Variants in HMGCLL1 observed in about 807,000 individuals in gnomAD.
The protein encoded by HMGCLL1 is 3-hydroxy-3-methylglutaryl-CoA lyase like 1.
In HMGCLL1, 36 loss-of-function variants were observed where a neutral mutation model predicts 39.1. The observed-to-expected ratio is 0.92, with a 90% CI of 0.71 to 1.22. The LOEUF is 1.22. Ranked by LOEUF, HMGCLL1 falls within the 50% of genes most tolerant of loss-of-function variation. HMGCLL1 has a pLI of 0.00. For missense variants in HMGCLL1, 451 were observed against 416.5 expected, an observed-to-expected ratio of 1.08 and a Z score of -0.72; for synonymous variants, 149 against 144.0, an observed-to-expected ratio of 1.03 and a Z score of -0.25.
chr6:55,441,793 C>T (rs564870153), intron 7 of HMGCLL1, among the ~76,000 whole-genome samples: 4 of 152,026 alleles, frequency 2.6e-5, no homozygotes, highest in South Asian at 2.1e-4. Context: ...TGGGTTCAAG[C>T]GATTCTCTTG....
upstream of HMGCLL1, among the ~76,000 whole-genome samples, chr6:55,583,553 C>T (rs570276127): frequency 6.6e-6 from 1 of 152,028 alleles, no homozygotes; most frequent in Non-Finnish European, 1.5e-5. Flanking sequence ...GCATAGTATT[C>T]CATGGTGTAT....
rs77793967 is a variant in HMGCLL1 at position 55,502,713 on chromosome 6, GTTTT to G, written c.543-3418_543-3415del. ...TAATTTTGTTTTCTGTAAAGATCTG[GTTTT>G]TTTTTTTTTGCTTGCATTGTGAATT... On this transcript the variant is annotated intron_variant, in intron 5 of 8. Transcript: ENST00000274901. 2.5e-3 allele frequency among the ~76,000 whole-genome samples: 376 copies of G among 147,580 alleles called. 1 individual carries two copies. Among genetic ancestry groups the G allele is most frequent in the Non-Finnish European group, 4.2e-3 (281 of 66,652 alleles).
At chr6:55,641,476 CTG>C in the HMGCLL1 span, among the ~76,000 whole-genome samples, 17 of 150,274 alleles carry the variant, frequency 1.1e-4, no homozygotes, top group East Asian at 2.0e-4. Flanking sequence ...GTGTGTGTGC[CTG>C]TGTGTGTGTG....
the HMGCLL1 span, among the ~76,000 whole-genome samples, chr6:55,627,646 G>A: frequency 2.0e-5 from 3 of 150,588 alleles, no homozygotes; most frequent in Middle Eastern, 3.4e-3. Flanking sequence ...AATCTTGTGG[G>A]CACAATCTAA....
chr6:55,625,345 G>A, the HMGCLL1 span, among the ~76,000 whole-genome samples: 4 of 152,074 alleles, frequency 2.6e-5, no homozygotes, highest in East Asian at 1.9e-4. Flanking sequence ...GACCGGACTC[G>A]AGAAGGTCCT....
intron 1 of HMGCLL1, among the ~76,000 whole-genome samples, chr6:55,556,117 AT>A (rs1319732334): frequency 6.6e-6 from 1 of 152,156 alleles, no homozygotes; most frequent in East Asian, 1.9e-4. Flanking sequence ...TCATCAAATC[AT>A]TACTTTATTT....
chr6:55,547,029 C>A (rs924451133), intron 1 of HMGCLL1, among the ~76,000 whole-genome samples: 3 of 151,926 alleles, frequency 2.0e-5, no homozygotes, highest in Non-Finnish European at 4.4e-5. Context: ...TTTCTATCTG[C>A]GTTTCATCTG....
intron 3 of HMGCLL1, among the ~76,000 whole-genome samples, chr6:55,526,050 C>A (rs572629156): frequency 6.6e-6 from 1 of 151,914 alleles, no homozygotes; most frequent in South Asian, 2.1e-4. Context: ...TAAGGTTATC[C>A]TTACCCCCAG....
intron 6 of HMGCLL1, among the ~76,000 whole-genome samples, chr6:55,496,342 C>T (rs1018954584): frequency 5.5e-4 from 83 of 151,752 alleles, no homozygotes; most frequent in Non-Finnish European, 1.3e-4. Context: ...ACTCAGCACA[C>T]AGACTGTAGA....
At chr6:55,456,804 A>G (rs892197474) in intron 7 of HMGCLL1, among the ~76,000 whole-genome samples, 1 of 152,150 alleles carries the variant, frequency 6.6e-6, no homozygotes, top group Non-Finnish European at 1.5e-5. Flanking sequence ...CATCCAGCCT[A>G]TAGGGCTCAC....
intron 1 of HMGCLL1, among the ~76,000 whole-genome samples, chr6:55,543,306 A>C (rs1251169513): frequency 4.8e-5 from 1 of 20,646 alleles, no homozygotes; most frequent in African/African-American, 1.8e-4. Flanking sequence ...ATCATATATG[A>C]TATATAATAT....
intron 1 of HMGCLL1, among the ~76,000 whole-genome samples, chr6:55,546,940 T>C (rs1351412746): frequency 6.6e-6 from 1 of 152,096 alleles, no homozygotes; most frequent in Non-Finnish European, 1.5e-5. Flanking sequence ...ATCAGATTTC[T>C]AATGGTTCAC....
chr6:55,646,859 A>T, the HMGCLL1 span, among the ~76,000 whole-genome samples: 1 of 152,042 alleles, frequency 6.6e-6, no homozygotes, highest in East Asian at 1.9e-4. Flanking sequence ...TGTGTATTCT[A>T]CATCTATTGG....
At chr6:55,595,378 T>G in the HMGCLL1 span, among the ~76,000 whole-genome samples, 1 of 152,348 alleles carries the variant, frequency 6.6e-6, no homozygotes, top group East Asian at 1.9e-4. Context: ...AGAGGACTGT[T>G]AATATGTCCA....
At chr6:55,436,739 A>G (rs1763386493) in intron 8 of HMGCLL1, among the ~76,000 whole-genome samples, 2 of 152,086 alleles carry the variant, frequency 1.3e-5, no homozygotes, top group Admixed American at 1.3e-4. Flanking sequence ...GGCTTTTCAT[A>G]ACAATGAATA....
intron 8 of HMGCLL1, among the ~76,000 whole-genome samples, chr6:55,439,211 T>C (rs1207307161): frequency 6.6e-6 from 1 of 152,144 alleles, no homozygotes; most frequent in East Asian, 1.9e-4. Flanking sequence ...TGAAGCACTA[T>C]AAAAATGTGA....
chr6:55,676,607 A>T, the HMGCLL1 span, among the ~76,000 whole-genome samples: 1 of 152,204 alleles, frequency 6.6e-6, no homozygotes, highest in Non-Finnish European at 1.5e-5. Context: ...GTGGAGGGAC[A>T]GCATAGCATC....
chr6:55,632,811 C>T, the HMGCLL1 span, among the ~76,000 whole-genome samples: 26 of 152,184 alleles, frequency 1.7e-4, no homozygotes, highest in African/African-American at 6.3e-4. Context: ...AAAGCATAAT[C>T]ATATTCTTCC....
chr6:55,504,242 C>A (rs765673790), intron 5 of HMGCLL1, among the ~76,000 whole-genome samples: 1 of 151,588 alleles, frequency 6.6e-6, no homozygotes, highest in Non-Finnish European at 1.5e-5. Context: ...CCCTGCCCTG[C>A]CTGAAAAAGC....
Sources: allele counts gnomAD v4.1 joint callset (sites outside exome capture counted in the v4.1 genomes callset), GRCh38; gene constraint gnomAD v4.1.1; transcripts MANE v1.5; gene names NCBI Gene and HGNC (gene_info 2026-07-23, HGNC 2026-07-21).